PRDM5: variants seen among roughly 807,000 people sequenced by gnomAD.
PRDM5 encodes PR/SET domain 5.
PRDM5 carries 56 observed loss-of-function variants against 81.2 expected under a neutral mutation model. That is an observed-to-expected ratio of 0.69 (90% confidence interval 0.56 to 0.86). The LOEUF (loss-of-function observed/expected upper bound fraction) is 0.86, where lower values mean the gene tolerates loss of function less well. Ranked by LOEUF, PRDM5 falls within the 40% of genes least tolerant of loss-of-function variation. The probability of loss-of-function intolerance (pLI) is 0.00; values close to 1 mark genes in which losing one functional copy is unlikely to be tolerated. For missense variants in PRDM5, 697 were observed against 770.1 expected (o/e 0.91, Z 1.12); for synonymous variants, 267 against 256.4 (o/e 1.04, Z -0.39).
chr4:120,777,941 T>C (rs1455799254), intron 12 of PRDM5, among the ~76,000 whole-genome samples: 1 of 151,764 alleles, frequency 6.6e-6, no homozygotes, highest in African/African-American at 2.4e-5. Flanking sequence ...GAGAAAGGAG[T>C]GACCCCTCCC....
At chr4:120,873,796 CA>C (rs1208922174) in intron 2 of PRDM5, among the ~76,000 whole-genome samples, 3 of 152,264 alleles carry the variant, frequency 2.0e-5, no homozygotes, top group Admixed American at 2.0e-4. Flanking sequence ...CATGATTTCT[CA>C]AAAAATAATA....
chr4:120,901,384 C>T (rs1243426416), intron 2 of PRDM5, among the ~76,000 whole-genome samples: 1 of 151,990 alleles, frequency 6.6e-6, no homozygotes, highest in Non-Finnish European at 1.5e-5. Flanking sequence ...GACTAATTAC[C>T]CTGGTAATAC....
intron 2 of PRDM5, among the ~76,000 whole-genome samples, chr4:120,873,076 ACTGCAACCT>A (rs1762000567): frequency 6.6e-6 from 1 of 152,114 alleles, no homozygotes; most frequent in South Asian, 2.1e-4. Flanking sequence ...ATCTCTGCTC[ACTGCAACCT>A]CTGCATCATG....
chr4:120,851,125 T>C (rs1759212994), intron 3 of PRDM5, among the ~76,000 whole-genome samples: 1 of 152,114 alleles, frequency 6.6e-6, no homozygotes, highest in Non-Finnish European at 1.5e-5. Flanking sequence ...AGAGACCTAC[T>C]GATTCTACAG....
chr4:120,823,693 C>G (rs955053509), intron 3 of PRDM5, among the ~76,000 whole-genome samples: 2 of 152,190 alleles, frequency 1.3e-5, no homozygotes, highest in Admixed American at 6.5e-5. Context: ...CTGCCAGATC[C>G]CTAATTTCTG....
chr4:120,910,137 G>T (rs1766340588), intron 1 of PRDM5, among the ~76,000 whole-genome samples: 1 of 151,944 alleles, frequency 6.6e-6, no homozygotes, highest in African/African-American at 2.4e-5. Context: ...GCGATTCACA[G>T]CTTGAAAAAC....
chr4:120,690,791 G>GAGC (rs1734014850), downstream of PRDM5, among the ~76,000 whole-genome samples: 1 of 152,072 alleles, frequency 6.6e-6, no homozygotes, highest in Non-Finnish European at 1.5e-5. Flanking sequence ...CCCTTGTCAG[G>GAGC]AGCAGTGATA....
chr4:120,699,187 TATATATATATATATATA>T (rs1560889861), intron 15 of PRDM5, among the ~76,000 whole-genome samples: 23 of 114,936 alleles, frequency 2.0e-4, no homozygotes, highest in East Asian at 2.5e-4. Flanking sequence ...TATATATATA[TATATATATATATATATA>T]TTTCAGATGT....
In PRDM5 at chr4:120,818,180, AAAGAT is replaced by A. The variant is rs1578861681; in HGVS notation, c.650+168_650+172del. On this transcript the variant is annotated intron_variant, in intron 5 of 15. Coordinates refer to ENST00000264808, the MANE Select transcript of PRDM5 (RefSeq NM_018699.4). ...TAATAATCAACATACTATACTAAGA[AAAGAT>A]GAGTTAATGACAATACCAATGTAAA... 4.9e-5 allele frequency: 31 copies of A among 634,522 alleles called. No individual in the cohort carries two copies. In the East Asian group the frequency reaches 8.3e-4, roughly 17 times the overall value. The allele number at this position is 634,522 out of a possible 1,614,324, so 39.3% of individuals were successfully genotyped here. A position where few individuals can be genotyped will look rare whatever the true frequency, so the allele number is the denominator to read the frequency against.
At chr4:120,828,425 C>T (rs967505693) in intron 3 of PRDM5, among the ~76,000 whole-genome samples, 4 of 151,950 alleles carry the variant, frequency 2.6e-5, no homozygotes, top group African/African-American at 7.3e-5. Context: ...AAAGATCCCA[C>T]AAATAGTAAA....
intron 3 of PRDM5, among the ~76,000 whole-genome samples, chr4:120,849,456 C>A (rs1282109731): frequency 1.3e-5 from 2 of 152,048 alleles, no homozygotes; most frequent in Non-Finnish European, 2.9e-5. Context: ...GGCTCAATAC[C>A]CAGTGCCTTC....
At position 120,825,017 on chromosome 4, in the gene PRDM5, G is replaced by A. The variant is rs531781900; in HGVS notation, c.301-3672C>T. On this transcript the variant is annotated intron_variant, in intron 3 of 15. Transcript: ENST00000264808. ...TAAAAGATAACAATGGATAATTAAT[G>A]AACCCTGTTCCTTGATACCAGGAAG... Among the ~76,000 whole-genome samples, 13 of 152,104 alleles carry A rather than the reference G, an allele frequency of 8.5e-5. 1 individual carries two copies. The highest frequency in any genetic ancestry group is 7.2e-4 in the Admixed American group (11 of 15,266).
At chr4:120,798,486 AAC>A in intron 9 of PRDM5, 62 bp from the exon 10 acceptor site, 1 of 1,455,108 alleles carries the variant, frequency 6.9e-7, no homozygotes, top group Non-Finnish European at 9.6e-7. Flanking sequence ...TAAAAGAGAA[AAC>A]ACCCTTACCT....
chr4:120,898,463 T>C (rs1013105664), intron 2 of PRDM5, among the ~76,000 whole-genome samples: 4 of 152,160 alleles, frequency 2.6e-5, no homozygotes, highest in Non-Finnish European at 5.9e-5. Flanking sequence ...AGAGTAACCC[T>C]CTAGACAGGC....
chr4:120,729,584 A>T (rs1315637359), intron 14 of PRDM5, among the ~76,000 whole-genome samples: 1 of 152,222 alleles, frequency 6.6e-6, no homozygotes, highest in Non-Finnish European at 1.5e-5. Context: ...CTTCAAGGAT[A>T]TGAAAGACTC....
intron 14 of PRDM5, among the ~76,000 whole-genome samples, chr4:120,711,739 G>T (rs1737019050): frequency 6.6e-6 from 1 of 152,162 alleles, no homozygotes; most frequent in South Asian, 2.1e-4. Flanking sequence ...ACCTCAAAAT[G>T]AAGAGAAAAA....
At chr4:120,842,403 C>T (rs544199226) in intron 3 of PRDM5, among the ~76,000 whole-genome samples, 2 of 152,284 alleles carry the variant, frequency 1.3e-5, no homozygotes, top group Admixed American at 6.5e-5. Context: ...TGACAAGGTA[C>T]ATTCAACTAG....
At chr4:120,877,888 T>C (rs966735188) in intron 2 of PRDM5, among the ~76,000 whole-genome samples, 9 of 152,182 alleles carry the variant, frequency 5.9e-5, no homozygotes, top group African/African-American at 1.9e-4. Context: ...AAATGTGGCA[T>C]GTAAGAATCT....
chr4:120,689,353 C>A (rs111886173), downstream of PRDM5, among the ~76,000 whole-genome samples: 3 of 151,886 alleles, frequency 2.0e-5, no homozygotes, highest in Non-Finnish European at 4.4e-5. Context: ...GGATTTTATG[C>A]GAGGAGAGAA....
Sources: gnomAD v4.1 joint callset for allele counts (sites outside exome capture counted in the v4.1 genomes callset) on GRCh38, gnomAD v4.1.1 for gene constraint, MANE v1.5 for transcripts, NCBI Gene and HGNC (gene_info 2026-07-23, HGNC 2026-07-21) for gene names.